CLCA4: variants seen among roughly 807,000 people sequenced by gnomAD.
CLCA4 encodes the protein calcium-activated chloride channel regulator 4.
Under a neutral mutation model 78.9 loss-of-function variants are expected in CLCA4, and 69 were observed. That is an observed-to-expected ratio of 0.87 (90% CI 0.72 to 1.07). The LOEUF is 1.07. Among genes scored for constraint, CLCA4 ranks in the 50% least tolerant of loss-of-function variants. The probability of loss-of-function intolerance (pLI) is 0.00; values close to 1 mark genes in which losing one functional copy is unlikely to be tolerated. For missense variants in CLCA4, 1,133 were observed against 1,095.8 expected (o/e 1.03, Z -0.48); for synonymous variants, 362 against 375.8 (o/e 0.96, Z 0.42).
Position 86,579,533 on chromosome 1 carries a change from G to A in CLCA4, c.2302G>A (p.Asp768Asn), listed in dbSNP as rs778299440. ...ITDLDATVHE[D>N]KIILTWTAPG... ...AGACCTTGATGCCACAGTTCATGAG[G>A]ATAAGATTATTCTTACATGGACAGC... The change falls in exon 13 of 14, where the codon GAT (aspartate) becomes AAT (asparagine). Residue 768 changes from aspartate to asparagine, a missense_variant. Transcript: ENST00000370563. 1 of 1,612,210 alleles carries A rather than the reference G, an allele frequency of 6.2e-7. No homozygotes were observed. The highest frequency in any genetic ancestry group is 1.3e-5 in the African/African-American group (1 of 74,854).
In CLCA4 at chr1:86,580,412, G is replaced by GCTCCGGTC; in HGVS notation, c.*67_*68insCTCCGGTC. 1 of 1,224,884 alleles carries GCTCCGGTC rather than the reference G, an allele frequency of 8.2e-7. No individual in the cohort carries two copies. Among genetic ancestry groups the GCTCCGGTC allele is most frequent in the Non-Finnish European group, 1.1e-6 (1 of 905,810 alleles). The allele number at this position is 1,224,884 out of a possible 1,614,324, so 75.9% of individuals were successfully genotyped here. On this transcript the variant is annotated 3_prime_UTR_variant, in exon 14 of 14. Coordinates refer to ENST00000370563, the MANE Select transcript of CLCA4 (RefSeq NM_012128.4). ...AGTTTTAAAAAACAAAACAATGTAAGTAAAGGATATTTCTGAATCTTAAAA... is the reference window on the plus strand; with the variant it reads ...AGTTTTAAAAAACAAAACAATGTAAGCTCCGGTCTAAAGGATATTTCTGAATCTTAAAA...
chr1:86,562,453 G>T (rs1366510277), intron 3 of CLCA4, among the ~76,000 whole-genome samples: 1 of 152,164 alleles, frequency 6.6e-6, no homozygotes, highest in East Asian at 1.9e-4. Context: ...TGCAGCTTCT[G>T]ATTCTGTAAG....
At chr1:86,552,900 T>A in intron 1 of CLCA4, 1 of 685,526 alleles carries the variant, frequency 1.5e-6, no homozygotes, top group South Asian at 1.7e-5. Flanking sequence ...TTGAGGGCCA[T>A]CCATCTCCCA....
chr1:86,579,626 A>G, intron 13 of CLCA4, 39 bp downstream of exon 13: 1 of 1,046,164 alleles, frequency 9.6e-7, no homozygotes, highest in Non-Finnish European at 1.4e-6. Context: ...CTTAAGTAAA[A>G]GGTGCTAATT....
intron 13 of CLCA4, 125 bp from the exon 14 acceptor site, chr1:86,579,817 A>G (rs1650651214): frequency 1.3e-6 from 1 of 773,818 alleles, no homozygotes; most frequent in South Asian, 1.9e-5. Flanking sequence ...TTCAGCTTTT[A>G]TTAAAAAATG....
intron 6 of CLCA4, among the ~76,000 whole-genome samples, chr1:86,566,659 A>G (rs1013077701): frequency 1.3e-5 from 2 of 152,072 alleles, no homozygotes; most frequent in Admixed American, 6.6e-5. Flanking sequence ...GACAGCATGT[A>G]AAATGAAGAT....
chr1:86,572,218 A>G (rs956227318), intron 8 of CLCA4, among the ~76,000 whole-genome samples: 1 of 152,076 alleles, frequency 6.6e-6, no homozygotes, highest in Non-Finnish European at 1.5e-5. Flanking sequence ...AACTAAAATA[A>G]AAGATTAACA....
intron 8 of CLCA4, among the ~76,000 whole-genome samples, chr1:86,572,152 T>A (rs1650368115): frequency 6.6e-6 from 1 of 152,054 alleles, no homozygotes; most frequent in African/African-American, 2.4e-5. Flanking sequence ...TTCATCTTTC[T>A]AATTTTCTGA....
Position 86,577,936 on chromosome 1 carries a change from C to A in CLCA4, c.1986C>A (p.Ser662=), listed in dbSNP as rs779145918. 1 of 1,612,480 alleles carries A rather than the reference C, an allele frequency of 6.2e-7. No individual in the cohort carries two copies. The highest frequency in any genetic ancestry group is 8.5e-7 in the Non-Finnish European group (1 of 1,179,224). ...CTTTCAAGAATGATGGAGTCTACTC[C>A]AGGTATTTTACAGCATATACAGAAA... ...ADSFKNDGVY[S]RYFTAYTENG... is the part of the protein sequence containing the mutation. The change falls in exon 12 of 14, where the codon TCC becomes TCA. Residue 662 remains serine (S), a synonymous_variant. Coordinates refer to ENST00000370563, the MANE Select transcript of CLCA4 (RefSeq NM_012128.4).
chr1:86,551,627 C>T (rs1323026345), intron 1 of CLCA4, among the ~76,000 whole-genome samples: 3 of 152,172 alleles, frequency 2.0e-5, no homozygotes, highest in Non-Finnish European at 4.4e-5. Flanking sequence ...AACAGAGCAG[C>T]ACAGGCATTT....
Position 86,579,284 on chromosome 1 carries a change from A to T in CLCA4, c.2123-70A>T, listed in dbSNP as rs150770291. ...TTTAGAAGGAAAAGACAAGTGAAGAAGGTGATTCACTGAATTATAATAAAT... is the reference window on the plus strand; with the variant it reads ...TTTAGAAGGAAAAGACAAGTGAAGATGGTGATTCACTGAATTATAATAAAT... On this transcript the variant is annotated intron_variant, in intron 12 of 13. Transcript: ENST00000370563. 50 of 1,125,644 alleles carry T rather than the reference A, an allele frequency of 4.4e-5. 1 individual carries two copies. The East Asian group carries it at 1.2e-3, about 27-fold the overall frequency. 69.7% of individuals were successfully genotyped at this position (1,125,644 alleles called of 1,614,324 possible). A position where few individuals can be genotyped will look rare whatever the true frequency, so the allele number is the denominator to read the frequency against.
At chr1:86,552,730 G>A (rs1299837674) in intron 1 of CLCA4, 87 of 1,429,578 alleles carry the variant, frequency 6.1e-5, no homozygotes, top group Non-Finnish European at 8.0e-5. Flanking sequence ...CTTCACAGGG[G>A]CCCGGCCCGG....
intron 1 of CLCA4, among the ~76,000 whole-genome samples, chr1:86,554,147 AC>A (rs1233280926): frequency 6.6e-6 from 1 of 150,822 alleles, no homozygotes; most frequent in Non-Finnish European, 1.5e-5. Context: ...CCCAACCTCC[AC>A]CCCCACTCTC....
rs1417784400 is a variant in CLCA4, at chr1:86,580,348, C to A, written c.*3C>A. 1 of 1,553,678 alleles carries A rather than the reference C, an allele frequency of 6.4e-7. No individual in the cohort carries two copies. Among genetic ancestry groups the A allele is most frequent in the South Asian group, 1.3e-5 (1 of 79,144 alleles). ...TTATTTTAAGTACCACCATTTGAAC[C>A]TTAACGAAGAAAAAAATCTTCAAGT... On this transcript the variant is annotated 3_prime_UTR_variant, in exon 14 of 14. Coordinates refer to ENST00000370563, the MANE Select transcript of CLCA4 (RefSeq NM_012128.4).
Position 86,571,111 on chromosome 1 carries a change from C to A in CLCA4, c.1217C>A (p.Ser406Tyr). The change falls in exon 8 of 14, where the codon TCC (serine) becomes TAC (tyrosine). Residue 406 changes from serine (S) to tyrosine (Y), a missense_variant. Transcript: ENST00000370563. ...IGELHSQLDG[S>Y]EVLLLTDGED... is the part of the protein sequence containing the mutation. ...GAGCTACATTCCCAACTCGATGGAT[C>A]CGAAGTACTGCTGCTGACTGATGGG... 6.2e-7 allele frequency: 1 copy of A among 1,612,278 alleles called. No individual in the cohort carries two copies. The highest frequency in any genetic ancestry group is 8.5e-7 in the Non-Finnish European group (1 of 1,178,694).
At chr1:86,577,690 T>C (rs1051119694) in intron 11 of CLCA4, among the ~76,000 whole-genome samples, 6 of 152,098 alleles carry the variant, frequency 3.9e-5, no homozygotes, top group Non-Finnish European at 8.8e-5. Context: ...TGTGTATGTA[T>C]GTTATATAGA....
intron 7 of CLCA4, among the ~76,000 whole-genome samples, chr1:86,569,460 G>A (rs746777496): frequency 6.6e-6 from 1 of 151,860 alleles, no homozygotes; most frequent in Non-Finnish European, 1.5e-5. Context: ...CTTGTATTTT[G>A]TTTCAAGCAC....
At chr1:86,550,986 C>T (rs1004994412) in intron 1 of CLCA4, among the ~76,000 whole-genome samples, 37 of 151,672 alleles carry the variant, frequency 2.4e-4, no homozygotes, top group African/African-American at 8.7e-4. Context: ...CGCCTGCCAC[C>T]ACGCCCCGCT....
At position 86,580,494 on chromosome 1, in the gene CLCA4, A is replaced by G. The variant is rs1650687161; in HGVS notation, c.*149A>G. ...AATAATTTTAAGATGTCGGAAAAGG[A>G]TACTTTGATTAAATAAAAACACTCA... On this transcript the variant is annotated 3_prime_UTR_variant, in exon 14 of 14. Coordinates refer to ENST00000370563, the MANE Select transcript of CLCA4 (RefSeq NM_012128.4). 2 of 527,776 alleles carry G rather than the reference A, an allele frequency of 3.8e-6. No homozygotes were observed. Among genetic ancestry groups the G allele is most frequent in the Non-Finnish European group, 6.0e-6 (2 of 330,826 alleles). 32.7% of individuals were successfully genotyped at this position (527,776 alleles called of 1,614,324 possible).
Sources: allele counts gnomAD v4.1 joint callset (sites outside exome capture counted in the v4.1 genomes callset), GRCh38; gene constraint gnomAD v4.1.1; transcripts MANE v1.5; gene names NCBI Gene and HGNC (gene_info 2026-07-23, HGNC 2026-07-21).